Variants in UTP23 observed in about 807,000 individuals in gnomAD.
UTP23 encodes the protein rRNA-processing protein UTP23 homolog.
UTP23 carries 10 observed loss-of-function variants against 19.8 expected under a neutral mutation model. That is an observed-to-expected ratio of 0.50 (90% CI 0.31 to 0.86). The LOEUF (loss-of-function observed/expected upper bound fraction) is 0.86, where lower values mean the gene tolerates loss of function less well. Ranked by LOEUF, UTP23 falls within the 40% of genes least tolerant of loss-of-function variation. UTP23 has a pLI of 0.05. For synonymous variants in UTP23, 108 were observed against 105.4 expected, an observed-to-expected ratio of 1.02 and a Z score of -0.15; for missense variants, 282 against 293.1, an observed-to-expected ratio of 0.96 and a Z score of 0.28.
chr8:116,767,046 C>A, intron 1 of UTP23: 1 of 405,752 alleles, frequency 2.5e-6, no homozygotes, highest in South Asian at 5.7e-5. Flanking sequence ...GATCCGACTT[C>A]GAATCTTGAT....
chr8:116,771,493 G>A lies in UTP23; in HGVS notation c.401G>A (p.Gly134Glu). ...NLSVKVKKKP[G>E]VPLMFIIQNT... ...TCTGTGAAAGTAAAAAAGAAGCCTG[G>A]AGTTCCTCTCATGTTTATTATTCAG... The change falls in exon 3 of 3, where the codon GGA becomes GAA. Residue 134 changes from glycine to glutamate, a missense_variant. Physicochemically the swap from Gly to Glu is moderately conservative, Grantham distance 98. Coordinates refer to ENST00000309822, the MANE Select transcript of UTP23 (RefSeq NM_032334.3). The A allele has an allele frequency of 6.6e-7, 1 of 1,516,792 alleles. No individual in the cohort carries two copies. Among genetic ancestry groups the A allele is most frequent in the South Asian group, 1.4e-5 (1 of 73,298 alleles). 94.0% of individuals were successfully genotyped at this position (1,516,792 alleles called of 1,614,324 possible).
chr8:116,770,962 ATTCCCATC>A (rs954671877), intron 2 of UTP23: 2 of 152,544 alleles, frequency 1.3e-5, no homozygotes, highest in Non-Finnish European at 1.5e-5. Flanking sequence ...GAAGAAAAAT[ATTCCCATC>A]TTCTTGAAGG....
chr8:116,771,791 C>G lies in UTP23; in HGVS notation c.699C>G (p.Asn233Lys), dbSNP rs1815659377. 6.3e-7 allele frequency: 1 copy of G among 1,599,340 alleles called. No individual in the cohort carries two copies. ...AAAGAAAAAGAAAAAGAATTCGGAACAGATCTAACCCAAAAGTACTTTCTG... is the reference window on the plus strand; with the variant it reads ...AAAGAAAAAGAAAAAGAATTCGGAAGAGATCTAACCCAAAAGTACTTTCTG... ...EKKRKRKRIR[N>K]RSNPKVLSEK... is the part of the protein sequence containing the mutation. Residue 233 changes from asparagine to lysine, a missense_variant, in exon 3 of 3, where the codon AAC (asparagine) becomes AAG (lysine). Physicochemically the swap from Asn to Lys is moderately conservative, Grantham distance 94 (BLOSUM62 0). Coordinates refer to ENST00000309822, the MANE Select transcript of UTP23 (RefSeq NM_032334.3).
At position 116,770,157 on chromosome 8, in the gene UTP23, A is replaced by G. The variant is rs532566459; in HGVS notation, c.189-35A>G. On this transcript the variant is annotated intron_variant, in intron 1 of 2. Coordinates refer to ENST00000309822, the MANE Select transcript of UTP23 (RefSeq NM_032334.3). ...ATTGTTTTTTACACCTTATGTAAAC[A>G]AGTGAAATGTATCTGCTATAATTTT... 5.4e-4 allele frequency: 810 copies of G among 1,512,322 alleles called. 11 individuals carry two copies. The South Asian group carries it at 9.7e-3, about 18-fold the overall frequency. 93.7% of individuals were successfully genotyped at this position (1,512,322 alleles called of 1,614,324 possible).
At chr8:116,770,452 G>T in intron 2 of UTP23, 86 bp downstream of exon 2, 1 of 1,300,528 alleles carries the variant, frequency 7.7e-7, no homozygotes, top group Non-Finnish European at 1.0e-6. Context: ...AAAAAAGTTA[G>T]AATGATTAGA....
chr8:116,770,279 T>C lies in UTP23; in HGVS notation c.276T>C (p.Pro92=). 8 of 1,614,144 alleles carry C rather than the reference T, an allele frequency of 5.0e-6. No individual in the cohort carries two copies. Among genetic ancestry groups the C allele is most frequent in the Non-Finnish European group, 6.8e-6 (8 of 1,179,996 alleles). ...IAQKCQVRNC[P]HFKNAVSGSE... ...AAAAATGCCAAGTTCGAAATTGTCC[T>C]CATTTCAAGAATGCAGTGAGTGGAT... Residue 92 remains proline, a synonymous_variant, in exon 2 of 3, where the codon CCT becomes CCC. Transcript: ENST00000309822.
rs559659365 is a variant in UTP23, at chr8:116,770,219, G to T, written c.216G>T (p.Leu72Phe). The T allele has an allele frequency of 6.2e-7, 1 of 1,611,844 alleles. No individual in the cohort carries two copies. Among genetic ancestry groups the T allele is most frequent in the East Asian group, 2.2e-5 (1 of 44,828 alleles). ...TRCVLKELET[L>F]GKDLYGAKLI... ...GTGTGTTAAAAGAGCTAGAAACATTGGGAAAGGACTTATATGGGGCAAAAC... is the reference window on the plus strand; with the variant it reads ...GTGTGTTAAAAGAGCTAGAAACATTTGGAAAGGACTTATATGGGGCAAAAC... Residue 72 changes from leucine (L) to phenylalanine (F), a missense_variant, in exon 2 of 3, where the codon TTG becomes TTT. Leu to Phe is a conservative substitution (Grantham distance 22). Coordinates refer to ENST00000309822, the MANE Select transcript of UTP23 (RefSeq NM_032334.3).
Position 116,773,241 on chromosome 8 carries a change from A to C in UTP23, c.*1399A>C. On this transcript the variant is annotated 3_prime_UTR_variant, in exon 3 of 3. Coordinates refer to ENST00000309822, the MANE Select transcript of UTP23 (RefSeq NM_032334.3). ...AGGTAAAAATACTGGAAAAAAGTGA[A>C]TAGTGTAGGTTTTGTGAGGAAAGTT... 1 of 985,452 alleles carries C rather than the reference A, an allele frequency of 1.0e-6. No individual in the cohort carries two copies. Among genetic ancestry groups the C allele is most frequent in the Non-Finnish European group, 1.2e-6 (1 of 829,934 alleles). The allele number at this position is 985,452 out of a possible 1,614,324, so 61.0% of individuals were successfully genotyped here.
chr8:116,770,349 T>G lies in UTP23; in HGVS notation c.346T>G (p.Tyr116Asp). Residue 116 changes from tyrosine to aspartate, a missense_variant, in exon 2 of 3, where the codon TAT (tyrosine) becomes GAT (aspartate). Coordinates refer to ENST00000309822, the MANE Select transcript of UTP23 (RefSeq NM_032334.3). ...GGTTGAAGAGGGAAATCCTCATCAT[T>G]ATTTTGTGGCAACACAGGTGATACT... ...SMVEEGNPHH[Y>D]FVATQDQNLS... 5 of 1,611,300 alleles carry G rather than the reference T, an allele frequency of 3.1e-6. No individual in the cohort carries two copies. The highest frequency in any genetic ancestry group is 4.2e-6 in the Non-Finnish European group (5 of 1,177,862).
rs1035354905 is a variant in UTP23, at chr8:116,766,527, A to G, written c.-77A>G. On this transcript the variant is annotated 5_prime_UTR_variant, in exon 1 of 3. Transcript: ENST00000309822. Reference sequence around the variant, plus strand: ...CGCTTCATTTCCGGGTGAAACTGGCATTGAGGGTACTGGGGCGTGCGTGAG... The same window carrying G: ...CGCTTCATTTCCGGGTGAAACTGGCGTTGAGGGTACTGGGGCGTGCGTGAG... 4.1e-6 allele frequency: 6 copies of G among 1,466,174 alleles called. No individual in the cohort carries two copies. The African/African-American group carries it at 5.7e-5, about 14-fold the overall frequency. 90.8% of individuals were successfully genotyped at this position (1,466,174 alleles called of 1,614,324 possible). A position where few individuals can be genotyped will look rare whatever the true frequency, so the allele number is the denominator to read the frequency against.
rs753275858 is a variant in UTP23, at chr8:116,766,800, G to A, written c.188+9G>A. 32 of 1,519,670 alleles carry A rather than the reference G, an allele frequency of 2.1e-5. No individual in the cohort carries two copies. The Admixed American group carries it at 4.2e-4, about 20-fold the overall frequency. The allele number at this position is 1,519,670 out of a possible 1,614,324, so 94.1% of individuals were successfully genotyped here. ...CAGCTGTGCACCACAAGGTGGGCCC[G>A]GGGGGCTGGGGAGGAGGCACAGAGG... On this transcript the variant is annotated intron_variant, in intron 1 of 2. Coordinates refer to ENST00000309822, the MANE Select transcript of UTP23 (RefSeq NM_032334.3).
chr8:116,772,526 A>G lies in UTP23; in HGVS notation c.*684A>G, dbSNP rs1453235812. On this transcript the variant is annotated 3_prime_UTR_variant, in exon 3 of 3. Coordinates refer to ENST00000309822, the MANE Select transcript of UTP23 (RefSeq NM_032334.3). Reference sequence around the variant, plus strand: ...AAAGAGTGAAATTTTGCCCATTTATACTGCACCATTTTTCCAGTATATGAA... The same window carrying G: ...AAAGAGTGAAATTTTGCCCATTTATGCTGCACCATTTTTCCAGTATATGAA... 1 of 984,732 alleles carries G rather than the reference A, an allele frequency of 1.0e-6. No individual in the cohort carries two copies. Among genetic ancestry groups the G allele is most frequent in the Non-Finnish European group, 1.2e-6 (1 of 829,418 alleles). The allele number at this position is 984,732 out of a possible 1,614,324, so 61.0% of individuals were successfully genotyped here.
Position 116,772,695 on chromosome 8 carries a change from A to G in UTP23, c.*853A>G. ...ATGTTAACTTCAATAGCAAGAATTCAAAAATAATATTCTCTTTGAGATTGA... is the reference window on the plus strand; with the variant it reads ...ATGTTAACTTCAATAGCAAGAATTCGAAAATAATATTCTCTTTGAGATTGA... On this transcript the variant is annotated 3_prime_UTR_variant, in exon 3 of 3. Transcript: ENST00000309822. 1.0e-6 allele frequency: 1 copy of G among 985,174 alleles called. No individual in the cohort carries two copies. Among genetic ancestry groups the G allele is most frequent in the Non-Finnish European group, 1.2e-6 (1 of 829,680 alleles). 61.0% of individuals were successfully genotyped at this position (985,174 alleles called of 1,614,324 possible).
At position 116,766,597 on chromosome 8, in the gene UTP23, G is replaced by A. The variant is rs1243570748; in HGVS notation, c.-7G>A. The A allele has an allele frequency of 2.5e-6, 4 of 1,610,874 alleles. No homozygotes were observed. The highest frequency in any genetic ancestry group is 3.4e-6 in the Non-Finnish European group (4 of 1,178,330). On this transcript the variant is annotated 5_prime_UTR_variant, in exon 1 of 3. Coordinates refer to ENST00000309822, the MANE Select transcript of UTP23 (RefSeq NM_032334.3). ...GGTCCGGTGGCCTCGGTCCCGGTAAGCCAGGCATGAAGATCACAAGGCAGA... is the reference window on the plus strand; with the variant it reads ...GGTCCGGTGGCCTCGGTCCCGGTAAACCAGGCATGAAGATCACAAGGCAGA...
Position 116,774,241 on chromosome 8 carries a change from A to G in UTP23, c.*2399A>G. On this transcript the variant is annotated 3_prime_UTR_variant, in exon 3 of 3. Coordinates refer to ENST00000309822, the MANE Select transcript of UTP23 (RefSeq NM_032334.3). ...GTTTGCAGTTGTGTATGGGCACGATACTGTATTCTTTACATTTTTATGGCC... is the reference window on the plus strand; with the variant it reads ...GTTTGCAGTTGTGTATGGGCACGATGCTGTATTCTTTACATTTTTATGGCC... 1.0e-6 allele frequency: 1 copy of G among 985,358 alleles called. No homozygotes were observed. The highest frequency in any genetic ancestry group is 4.7e-5 in the South Asian group (1 of 21,290). The allele number at this position is 985,358 out of a possible 1,614,324, so 61.0% of individuals were successfully genotyped here.
rs1336610478 is a variant in UTP23 at position 116,772,985 on chromosome 8, G to A, written c.*1143G>A. The A allele has an allele frequency of 1.0e-6, 1 of 985,252 alleles. No individual in the cohort carries two copies. The highest frequency in any genetic ancestry group is 6.1e-5 in the Admixed American group (1 of 16,268). 61.0% of individuals were successfully genotyped at this position (985,252 alleles called of 1,614,324 possible). On this transcript the variant is annotated 3_prime_UTR_variant, in exon 3 of 3. Coordinates refer to ENST00000309822, the MANE Select transcript of UTP23 (RefSeq NM_032334.3). ...TCTCAGTCTAACATTAGGTTATCAT[G>A]ATGACGTATGAGTAAATTCTTAATG...
chr8:116,771,085 A>C (rs542376653), intron 2 of UTP23, among the ~76,000 whole-genome samples: 10 of 152,338 alleles, frequency 6.6e-5, no homozygotes, highest in Middle Eastern at 6.8e-3. Context: ...TTAGAATCTG[A>C]GTAGCTAATT....
In UTP23 at chr8:116,771,489, C is replaced by A. The variant is rs1563668307; in HGVS notation, c.397C>A (p.Pro133Thr). 6.6e-7 allele frequency: 1 copy of A among 1,506,442 alleles called. No individual in the cohort carries two copies. Among genetic ancestry groups the A allele is most frequent in the Non-Finnish European group, 8.8e-7 (1 of 1,130,880 alleles). The allele number at this position is 1,506,442 out of a possible 1,614,324, so 93.3% of individuals were successfully genotyped here. A position where few individuals can be genotyped will look rare whatever the true frequency, so the allele number is the denominator to read the frequency against. The change falls in exon 3 of 3, where the codon CCT becomes ACT. Residue 133 changes from proline to threonine, a missense_variant. Coordinates refer to ENST00000309822, the MANE Select transcript of UTP23 (RefSeq NM_032334.3). ...QNLSVKVKKK[P>T]GVPLMFIIQN... ...TTTGTCTGTGAAAGTAAAAAAGAAG[C>A]CTGGAGTTCCTCTCATGTTTATTAT...
chr8:116,767,359 C>G (rs974110086), intron 1 of UTP23, among the ~76,000 whole-genome samples: 1 of 152,188 alleles, frequency 6.6e-6, no homozygotes, highest in Non-Finnish European at 1.5e-5. Flanking sequence ...TGCCCAAGCA[C>G]ATTTGTTTAT....
Sources: gnomAD v4.1 joint callset for allele counts (sites outside exome capture counted in the v4.1 genomes callset) on GRCh38, gnomAD v4.1.1 for gene constraint, MANE v1.5 for transcripts, NCBI Gene and HGNC (gene_info 2026-07-23, HGNC 2026-07-21) for gene names.